Variants in CARMIL1 observed in about 807,000 individuals in gnomAD.
CARMIL1 encodes F-actin-uncapping protein LRRC16A.
In CARMIL1, 90 loss-of-function variants were observed where a neutral mutation model predicts 177.1. The ratio of observed to expected loss-of-function variants is 0.51; its 90% CI spans 0.43 to 0.61. The LOEUF is 0.61. CARMIL1 is among the 20% of genes least tolerant of loss of function. The pLI is 0.00. For missense variants in CARMIL1, 1,380 were observed against 1,667.0 expected, an observed-to-expected ratio of 0.83 and a Z score of 3.00; for synonymous variants, 577 against 606.2, an observed-to-expected ratio of 0.95 and a Z score of 0.71.
intron 31 of CARMIL1, among the ~76,000 whole-genome samples, chr6:25,582,947 T>C (rs1292706592): frequency 6.6e-6 from 1 of 152,206 alleles, no homozygotes; most frequent in African/African-American, 2.4e-5. Context: ...CAGAACAGAC[T>C]GATAAGGTTG....
intron 29 of CARMIL1, among the ~76,000 whole-genome samples, chr6:25,564,149 C>A (rs1410029523): frequency 6.6e-6 from 1 of 152,052 alleles, no homozygotes; most frequent in Non-Finnish European, 1.5e-5. Context: ...AGGTCACAGT[C>A]AAAAAAGTTT....
At chr6:25,306,514 G>C (rs1783282123) in intron 2 of CARMIL1, among the ~76,000 whole-genome samples, 1 of 152,054 alleles carries the variant, frequency 6.6e-6, no homozygotes, top group African/African-American at 2.4e-5. Flanking sequence ...CACTTTTATT[G>C]AAAAGTTGTC....
At chr6:25,437,458 T>C (rs940880755) in intron 5 of CARMIL1, among the ~76,000 whole-genome samples, 1 of 152,258 alleles carries the variant, frequency 6.6e-6, no homozygotes, top group African/African-American at 2.4e-5. Context: ...ATTTAACTTC[T>C]TGTTAAAATC....
chr6:25,606,957 A>G (rs1220175794), intron 35 of CARMIL1, among the ~76,000 whole-genome samples: 2 of 152,160 alleles, frequency 1.3e-5, no homozygotes, highest in Non-Finnish European at 1.5e-5. Context: ...TAAAAATATT[A>G]GAAATGGATT....
At chr6:25,491,843 G>A in intron 14 of CARMIL1, 34 bp downstream of exon 14, 1 of 1,538,890 alleles carries the variant, frequency 6.5e-7, no homozygotes, top group South Asian at 1.2e-5. Context: ...CTTGCTCTGA[G>A]GGGTCTCAGA....
chr6:25,476,400 A>G, intron 11 of CARMIL1, among the ~76,000 whole-genome samples: 1 of 152,170 alleles, frequency 6.6e-6, no homozygotes, highest in African/African-American at 2.4e-5. Context: ...GCAGACCAAG[A>G]CTTTTCTCAT....
intron 36 of CARMIL1, among the ~76,000 whole-genome samples, chr6:25,617,619 G>A (rs367627041): frequency 2.0e-5 from 3 of 152,198 alleles, no homozygotes; most frequent in Admixed American, 6.5e-5. Flanking sequence ...AAATGCTGTA[G>A]TTTGAGGTTG....
Position 25,510,780 on chromosome 6 carries a change from C to CA in CARMIL1, c.1632+18_1632+19insA, listed in dbSNP as rs34965228. ...AAGAATCAGTGAGTATTATGTTAAA[C>CA]TTTTTACTAAAATCTTCTGTTTGTT... is the stretch of plus-strand genomic sequence containing the variant. On this transcript the variant is annotated intron_variant, in intron 20 of 36. Transcript: ENST00000329474. The CA allele has an allele frequency of 1.8e-5, 26 of 1,445,532 alleles. No individual in the cohort carries two copies. The highest frequency in any genetic ancestry group is 2.4e-5 in the Non-Finnish European group (25 of 1,059,360). 89.5% of individuals were successfully genotyped at this position (1,445,532 alleles called of 1,614,324 possible).
In CARMIL1 at chr6:25,279,850, G is replaced by A. The variant is rs765015957; in HGVS notation, c.40+15G>A. On this transcript the variant is annotated intron_variant, in intron 1 of 36. Coordinates refer to ENST00000329474, the MANE Select transcript of CARMIL1 (RefSeq NM_017640.6). ...GGAGTTGATAGGTAAGATTCACGCG[G>A]TTGTTGGTTTTCCACCTTCCTCTGC... 3 of 1,613,918 alleles carry A rather than the reference G, an allele frequency of 1.9e-6. No individual in the cohort carries two copies. Among genetic ancestry groups the A allele is most frequent in the Non-Finnish European group, 2.5e-6 (3 of 1,179,822 alleles).
At position 25,558,409 on chromosome 6, in the gene CARMIL1, G is replaced by A. The variant is rs1052017141; in HGVS notation, c.2742+1559G>A. ...TACTGTAACGTTGGTTTTAAACTGTGTAAACTTTGTTTGGAAGTAAGTTTT... is the reference window on the plus strand; with the variant it reads ...TACTGTAACGTTGGTTTTAAACTGTATAAACTTTGTTTGGAAGTAAGTTTT... On this transcript the variant is annotated intron_variant, in intron 29 of 36. Transcript: ENST00000329474. The surrounding 1 kb of genome is among the most constrained non-coding windows in gnomAD (Gnocchi z 4.1). Among the ~76,000 whole-genome samples the A allele has an allele frequency of 6.6e-6, 1 of 152,186 alleles. No homozygotes were observed. The highest frequency in any genetic ancestry group is 1.5e-5 in the Non-Finnish European group (1 of 68,038).
chr6:25,402,833 C>G (rs881696), intron 2 of CARMIL1, among the ~76,000 whole-genome samples: 67,237 of 151,820 alleles, frequency 0.44, 15,164 homozygotes, highest in Middle Eastern at 0.57. Context: ...TATTCCCATT[C>G]TCCCTTTTCC....
chr6:25,391,406 G>T (rs1459970190), intron 2 of CARMIL1, among the ~76,000 whole-genome samples: 1 of 152,152 alleles, frequency 6.6e-6, no homozygotes, highest in African/African-American at 2.4e-5. Flanking sequence ...TAATGAATGG[G>T]CTAGACAATA....
intron 2 of CARMIL1, among the ~76,000 whole-genome samples, chr6:25,323,502 G>A (rs943586494): frequency 6.6e-6 from 1 of 151,804 alleles, no homozygotes; most frequent in Non-Finnish European, 1.5e-5. Context: ...CCAGCTACTC[G>A]GGAGGCTGAG....
At chr6:25,418,528 C>T (rs1795562648) in intron 2 of CARMIL1, among the ~76,000 whole-genome samples, 1 of 147,802 alleles carries the variant, frequency 6.8e-6, no homozygotes, top group Non-Finnish European at 1.5e-5. Context: ...ATTTCCTTGC[C>T]CCCAAGGCCT....
At chr6:25,291,650 T>C (rs946156680) in intron 2 of CARMIL1, among the ~76,000 whole-genome samples, 2 of 128,884 alleles carry the variant, frequency 1.6e-5, no homozygotes, top group African/African-American at 5.1e-5. Context: ...TTTAAAACAA[T>C]TTTTTTTTTC....
chr6:25,344,809 A>G (rs78280411), intron 2 of CARMIL1, among the ~76,000 whole-genome samples: 7,923 of 152,148 alleles, frequency 0.052, 277 homozygotes, highest in Non-Finnish European at 0.087. Context: ...ATCTCCATCT[A>G]CACGTACCTT....
chr6:25,366,630 TG>T (rs1789841869), intron 2 of CARMIL1, among the ~76,000 whole-genome samples: 1 of 150,832 alleles, frequency 6.6e-6, no homozygotes, highest in African/African-American at 2.4e-5. Context: ...GAATAGTGCC[TG>T]GCACATACTA....
intron 2 of CARMIL1, among the ~76,000 whole-genome samples, chr6:25,409,649 G>A (rs1424762763): frequency 1.3e-5 from 2 of 152,138 alleles, no homozygotes; most frequent in Non-Finnish European, 2.9e-5. Context: ...CCGTATGCTA[G>A]TATTTATCAA....
At chr6:25,376,221 C>T (rs114290615) in intron 2 of CARMIL1, among the ~76,000 whole-genome samples, 10 of 152,236 alleles carry the variant, frequency 6.6e-5, no homozygotes, top group East Asian at 1.9e-4. Flanking sequence ...GCTGGGCTTA[C>T]GGTGCCCACC....
Sources: gnomAD v4.1 joint callset for allele counts (sites outside exome capture counted in the v4.1 genomes callset) on GRCh38, gnomAD v4.1.1 for gene constraint, Gnocchi (gnomAD v3.1) non-coding constraint, MANE v1.5 for transcripts, NCBI Gene and HGNC (gene_info 2026-07-23, HGNC 2026-07-21) for gene names.